The following LRIG1 variants were observed in gnomAD, a reference collection of about 807,000 sequenced individuals.
LRIG1 encodes the protein leucine rich repeats and immunoglobulin like domains 1.
A neutral mutation model predicts 99.2 loss-of-function variants in LRIG1; 48 were observed. The observed-to-expected ratio is 0.48, with a 90% confidence interval of 0.38 to 0.62. The LOEUF (loss-of-function observed/expected upper bound fraction) is 0.62, where lower values mean the gene tolerates loss of function less well. Among genes scored for constraint, LRIG1 ranks in the 20% least tolerant of loss-of-function variants. LRIG1 has a pLI of 0.00. For synonymous variants in LRIG1, 772 were observed against 596.1 expected (o/e 1.29, Z -4.30); for missense variants, 1,646 against 1,434.4 (o/e 1.15, Z -2.38).
intron 1 of LRIG1, among the ~76,000 whole-genome samples, chr3:66,481,173 T>C (rs1019273064): frequency 1.3e-5 from 2 of 152,208 alleles, no homozygotes; most frequent in African/African-American, 4.8e-5. Context: ...CCAGCAAAGA[T>C]GCAGTTAAAC....
chr3:66,493,425 G>A (rs1701149436), intron 1 of LRIG1, among the ~76,000 whole-genome samples: 1 of 152,138 alleles, frequency 6.6e-6, no homozygotes, highest in South Asian at 2.1e-4. Context: ...TGTTGCAACT[G>A]TTCATAGCTT....
intron 3 of LRIG1, among the ~76,000 whole-genome samples, chr3:66,440,277 T>C (rs1000859464): frequency 5.3e-5 from 8 of 152,152 alleles, no homozygotes; most frequent in African/African-American, 1.7e-4. Flanking sequence ...CCCTGAGACG[T>C]AGACATCTAG....
intron 9 of LRIG1, among the ~76,000 whole-genome samples, chr3:66,400,761 C>T (rs893593495): frequency 6.6e-5 from 10 of 152,220 alleles, no homozygotes; most frequent in African/African-American, 2.4e-4. Context: ...AGCCCTGAAG[C>T]AAACCAAAGA....
Position 66,380,208 on chromosome 3 carries a change from T to A in LRIG1, c.*55A>T. On this transcript the variant is annotated 3_prime_UTR_variant, in exon 19 of 19. Transcript: ENST00000273261. Reference sequence around the variant, plus strand: ...TGAACCCAAGCTTCCTCGCAGCCTCTCCTACCTCTCTTTCCCGTAGAGATT... The same window carrying A: ...TGAACCCAAGCTTCCTCGCAGCCTCACCTACCTCTCTTTCCCGTAGAGATT... The A allele has an allele frequency of 2.0e-6, 3 of 1,471,710 alleles. No homozygotes were observed. The highest frequency in any genetic ancestry group is 2.8e-6 in the Non-Finnish European group (3 of 1,076,820). The allele number at this position is 1,471,710 out of a possible 1,614,324, so 91.2% of individuals were successfully genotyped here.
chr3:66,426,393 T>C (rs1489517065), intron 3 of LRIG1, among the ~76,000 whole-genome samples: 1 of 152,240 alleles, frequency 6.6e-6, no homozygotes, highest in Admixed American at 6.5e-5. Flanking sequence ...CTGTCAACCC[T>C]ATGGCAACCA....
In LRIG1 at chr3:66,405,287, A is replaced by G; in HGVS notation, c.1080-9T>C. The stretch of plus-strand genomic sequence containing the variant: ...CGTTATGGTCCAGATCCCTGGGGAG[A>G]GGACAGAAAGCAGCTCACCGAGCAG... On this transcript the variant is annotated splice_polypyrimidine_tract_variant and intron_variant, in intron 8 of 18. Coordinates refer to ENST00000273261, the MANE Select transcript of LRIG1 (RefSeq NM_015541.3). 1 of 1,610,656 alleles carries G rather than the reference A, an allele frequency of 6.2e-7. No individual in the cohort carries two copies. The highest frequency in any genetic ancestry group is 8.5e-7 in the Non-Finnish European group (1 of 1,176,856).
chr3:66,454,351 G>C (rs1704001010), intron 2 of LRIG1, among the ~76,000 whole-genome samples: 1 of 152,198 alleles, frequency 6.6e-6, no homozygotes, highest in South Asian at 2.1e-4. Context: ...ATAGAGACTG[G>C]TCAAAAATAG....
chr3:66,389,608 CA>C (rs996922435), intron 12 of LRIG1, among the ~76,000 whole-genome samples: 4 of 152,040 alleles, frequency 2.6e-5, no homozygotes, highest in African/African-American at 9.7e-5. Context: ...GTAAAAGGGT[CA>C]ATGCATCAGA....
intron 3 of LRIG1, among the ~76,000 whole-genome samples, chr3:66,422,873 C>T (rs9809390): frequency 0.83 from 126,300 of 152,222 alleles, 53,511 homozygotes; most frequent in Non-Finnish European, 0.91. Flanking sequence ...ACAATCATGG[C>T]AGAAGGCGAG....
chr3:66,408,307 G>C (rs1702349541), intron 7 of LRIG1, among the ~76,000 whole-genome samples: 1 of 152,172 alleles, frequency 6.6e-6, no homozygotes, highest in African/African-American at 2.4e-5. Flanking sequence ...CAGGGTGTCT[G>C]TCAGTTAAAC....
rs141259778 is a variant in LRIG1, at chr3:66,382,358, A to C, written c.2532T>G (p.Ser844=). 4.3e-5 allele frequency: 69 copies of C among 1,614,190 alleles called. 1 individual carries two copies. In the East Asian group the frequency reaches 1.5e-3, roughly 35 times the overall value. ...VVPPDVPSYL[S]SQGTLSDRQE... ...GTCGGTCAGAAAGGGTCCCCTGAGA[A>C]GAGAGGTAGCTTGGAACATCTGGTG... The change falls in exon 16 of 19, where the codon TCT becomes TCG. Residue 844 remains serine (S), a synonymous_variant. Transcript: ENST00000273261.
chr3:66,386,154 T>A lies in LRIG1; in HGVS notation c.1616A>T (p.Asn539Ile). Residue 539 changes from asparagine to isoleucine, a missense_variant, in exon 13 of 19, where the codon AAT (asparagine) becomes ATT (isoleucine). Asn to Ile is a moderately radical substitution (Grantham distance 149). Transcript: ENST00000273261. The stretch of plus-strand genomic sequence containing the variant: ...GTGGACAAAGTTCTCCATGTCTGCA[T>A]TGGTCAGGACTTCATTGTCTTTCTT... Reference protein sequence around the residue: ...AWKKDNEVLTNADMENFVHVH... With the variant: ...AWKKDNEVLTIADMENFVHVH... 7 of 1,614,148 alleles carry A rather than the reference T, an allele frequency of 4.3e-6. No homozygotes were observed. The highest frequency in any genetic ancestry group is 5.9e-6 in the Non-Finnish European group (7 of 1,180,022).
rs900907025 is a variant in LRIG1 at position 66,486,441 on chromosome 3, T to G, written c.218+13749A>C. 3.9e-5 allele frequency among the ~76,000 whole-genome samples: 6 copies of G among 152,258 alleles called. No individual in the cohort carries two copies. In the South Asian group the frequency reaches 6.2e-4, roughly 16 times the overall value. On this transcript the variant is annotated intron_variant, in intron 1 of 18. Coordinates refer to ENST00000273261, the MANE Select transcript of LRIG1 (RefSeq NM_015541.3). ...GCCCCTCATAACCAGATGCCTGGAA[T>G]GCAGGACTCTGAGAAGACAAGGACA...
At chr3:66,447,334 G>C (rs1386844575) in intron 3 of LRIG1, among the ~76,000 whole-genome samples, 2 of 151,864 alleles carry the variant, frequency 1.3e-5, no homozygotes, top group African/African-American at 4.8e-5. Context: ...TGTACCCATT[G>C]ACCAGCCCCA....
rs1396083279 is a variant in LRIG1, at chr3:66,379,680, A to G, written c.*583T>C. On this transcript the variant is annotated 3_prime_UTR_variant, in exon 19 of 19. Transcript: ENST00000273261. Reference sequence around the variant, plus strand: ...GGATGGCACTTGCACCCCTGGCTCTACAGACAGGGAAGCCTGTTGCAGGGG... The same window carrying G: ...GGATGGCACTTGCACCCCTGGCTCTGCAGACAGGGAAGCCTGTTGCAGGGG... The G allele has an allele frequency of 1.3e-5, 2 of 152,270 alleles. No homozygotes were observed. Among genetic ancestry groups the G allele is most frequent in the Non-Finnish European group, 2.9e-5 (2 of 68,106 alleles). 9.4% of individuals were successfully genotyped at this position (152,270 alleles called of 1,614,324 possible).
chr3:66,434,027 G>T (rs543539675), intron 3 of LRIG1, among the ~76,000 whole-genome samples: 1 of 152,134 alleles, frequency 6.6e-6, no homozygotes, highest in African/African-American at 2.4e-5. Context: ...GGGATCTACA[G>T]GTAAAATTCT....
chr3:66,397,110 C>T (rs559996579), intron 11 of LRIG1, among the ~76,000 whole-genome samples: 26 of 152,340 alleles, frequency 1.7e-4, no homozygotes, highest in African/African-American at 5.8e-4. Flanking sequence ...CTTGCAAGGA[C>T]GGTATCTATT....
At chr3:66,434,810 G>A (rs772439107) in intron 3 of LRIG1, among the ~76,000 whole-genome samples, 12 of 149,922 alleles carry the variant, frequency 8.0e-5, no homozygotes, top group South Asian at 2.1e-4. Flanking sequence ...GTGGAGAAAC[G>A]GAATTGCCTA....
chr3:66,425,832 A>G (rs1416369379), intron 3 of LRIG1, among the ~76,000 whole-genome samples: 7 of 152,252 alleles, frequency 4.6e-5, no homozygotes. Flanking sequence ...AACACCTGTT[A>G]AAGGCTTCAA....
Sources: allele counts gnomAD v4.1 joint callset (sites outside exome capture counted in the v4.1 genomes callset), GRCh38; gene constraint gnomAD v4.1.1; transcripts MANE v1.5; gene names NCBI Gene and HGNC (gene_info 2026-07-23, HGNC 2026-07-21).